The following TBC1D4 variants were observed in gnomAD, a reference collection of about 807,000 sequenced individuals.
TBC1D4 encodes the protein TBC (Tre-2, BUB2, CDC16) domain-containing protein.
Under a neutral mutation model 142.5 loss-of-function variants are expected in TBC1D4, and 121 were observed. The observed-to-expected ratio is 0.85, with a 90% CI of 0.73 to 0.99. TBC1D4 has a LOEUF of 0.99. Ranked by LOEUF, TBC1D4 falls within the 50% of genes least tolerant of loss-of-function variation. The probability of loss-of-function intolerance (pLI) is 0.00; values close to 1 mark genes in which losing one functional copy is unlikely to be tolerated. For missense variants in TBC1D4, 1,475 were observed against 1,606.6 expected (o/e 0.92, Z 1.40); for synonymous variants, 630 against 628.2 (o/e 1.00, Z -0.04).
intron 5 of TBC1D4, among the ~76,000 whole-genome samples, chr13:75,347,414 A>G (rs891038051): frequency 2.6e-5 from 4 of 152,204 alleles, no homozygotes; most frequent in Non-Finnish European, 5.9e-5. Context: ...CTTGTTTGTT[A>G]CTGATCATAT....
chr13:75,350,120 ATGTAAAG>A (rs1881479063), intron 4 of TBC1D4, among the ~76,000 whole-genome samples: 2 of 152,200 alleles, frequency 1.3e-5, no homozygotes, highest in African/African-American at 2.4e-5. Flanking sequence ...ACAATCACAA[ATGTAAAG>A]TGTAATTTTC....
At chr13:75,458,033 G>A (rs962561404) in intron 1 of TBC1D4, among the ~76,000 whole-genome samples, 5 of 152,144 alleles carry the variant, frequency 3.3e-5, no homozygotes, top group Non-Finnish European at 1.5e-5. Flanking sequence ...TGCCGTTCAT[G>A]GATGGCTAAG....
At chr13:75,316,799 T>G (rs1004397929) in intron 12 of TBC1D4, among the ~76,000 whole-genome samples, 11 of 152,306 alleles carry the variant, frequency 7.2e-5, no homozygotes, top group Admixed American at 6.5e-4. Flanking sequence ...TCTTTTGGTT[T>G]GTTTGTTTGT....
chr13:75,383,205 C>T (rs551960035), intron 1 of TBC1D4, among the ~76,000 whole-genome samples: 1 of 152,272 alleles, frequency 6.6e-6, no homozygotes, highest in East Asian at 1.9e-4. Flanking sequence ...CACTTGTAGT[C>T]CCAGCTACTC....
At chr13:75,301,253 A>G (rs951000029) in intron 16 of TBC1D4, among the ~76,000 whole-genome samples, 3 of 152,132 alleles carry the variant, frequency 2.0e-5, no homozygotes, top group Non-Finnish European at 4.4e-5. Flanking sequence ...AGATATTTTT[A>G]AATAATAAAG....
chr13:75,291,759 C>G lies in TBC1D4; in HGVS notation c.3486+343G>C, dbSNP rs1875334053. On this transcript the variant is annotated intron_variant, in intron 19 of 20. Coordinates refer to ENST00000377636, the MANE Select transcript of TBC1D4 (RefSeq NM_014832.5). ...CAAAGCCTGTACTCCTGCCACGTGT[C>G]CTCTTCGTTTATTTTACAAAATAAT... 1.3e-5 allele frequency among the ~76,000 whole-genome samples: 2 copies of G among 152,170 alleles called. 1 individual carries two copies. Among genetic ancestry groups the G allele is most frequent in the South Asian group, 4.1e-4 (2 of 4,828 alleles).
chr13:75,349,261 C>T lies in TBC1D4; in HGVS notation c.1317G>A (p.Thr439=), dbSNP rs1262636724. The T allele has an allele frequency of 4.3e-6, 7 of 1,613,946 alleles. No individual in the cohort carries two copies. The East Asian group carries it at 8.9e-5, about 21-fold the overall frequency. ...VMLTLKQAFS[T]AAALQSAKTQ... The stretch of plus-strand genomic sequence containing the variant: ...TCTTGGCACTCTGCAGGGCAGCCGC[C>T]GTACTGAAGGCCTGTTTCAGAGTCA... Residue 439 remains threonine (T), a synonymous_variant, in exon 5 of 21, where the codon ACG becomes ACA. Transcript: ENST00000377636.
chr13:75,481,453 A>G lies in TBC1D4; in HGVS notation c.315T>C (p.Thr105=), dbSNP rs761535346. 6.2e-7 allele frequency: 1 copy of G among 1,613,674 alleles called. No homozygotes were observed. ...GGTTGGGCTGCGTGGCCGACGGACT[A>G]GTGCCCCCCGAGGCCCCAGCGCCCG... ...PAPGAGASGG[T]SPSATQPNPA... The change falls in exon 1 of 21, where the codon ACT becomes ACC. Residue 105 remains threonine (T), a synonymous_variant. Transcript: ENST00000377636.
chr13:75,457,658 A>C (rs1003716234), intron 1 of TBC1D4, among the ~76,000 whole-genome samples: 2 of 152,212 alleles, frequency 1.3e-5, no homozygotes, highest in Admixed American at 1.3e-4. Context: ...TTCACTTGAC[A>C]CAGGCAATAT....
At chr13:75,368,412 A>G (rs191232446) in intron 1 of TBC1D4, among the ~76,000 whole-genome samples, 125 of 152,366 alleles carry the variant, frequency 8.2e-4, no homozygotes, top group African/African-American at 2.6e-3. Context: ...TCCTCGGGCT[A>G]TGAGCCAAGA....
chr13:75,294,947 C>T lies in TBC1D4; in HGVS notation c.3223G>A (p.Glu1075Lys). The change falls in exon 18 of 21, where the codon GAA becomes AAA. Residue 1075 changes from glutamate (E) to lysine (K), a missense_variant. Coordinates refer to ENST00000377636, the MANE Select transcript of TBC1D4 (RefSeq NM_014832.5). Reference sequence around the variant, plus strand: ...TAAAGACTGGGGCTGATTTCATTTTCTTCAAGGTGATTGTAGAGATCTCTG... The same window carrying T: ...TAAAGACTGGGGCTGATTTCATTTTTTTCAAGGTGATTGTAGAGATCTCTG... ...YHRDLYNHLE[E>K]NEISPSLYAA... 3 of 1,613,926 alleles carry T rather than the reference C, an allele frequency of 1.9e-6. No individual in the cohort carries two copies. The highest frequency in any genetic ancestry group is 2.5e-6 in the Non-Finnish European group (3 of 1,179,886).
chr13:75,445,903 G>T (rs535725650), intron 1 of TBC1D4, among the ~76,000 whole-genome samples: 1 of 152,046 alleles, frequency 6.6e-6, no homozygotes, highest in Non-Finnish European at 1.5e-5. Context: ...AAGTTATTTC[G>T]GATAATTTTA....
intron 1 of TBC1D4, among the ~76,000 whole-genome samples, chr13:75,479,206 G>C (rs1888735891): frequency 6.6e-6 from 1 of 152,168 alleles, no homozygotes; most frequent in Non-Finnish European, 1.5e-5. Context: ...GCTCTCTAGA[G>C]ACGCTACATC....
intron 1 of TBC1D4, among the ~76,000 whole-genome samples, chr13:75,396,299 C>T (rs1443834572): frequency 6.6e-6 from 1 of 152,144 alleles, no homozygotes; most frequent in Non-Finnish European, 1.5e-5. Context: ...ATTGTCTCAG[C>T]AGCTGTTTCA....
intron 11 of TBC1D4, among the ~76,000 whole-genome samples, chr13:75,323,311 AAT>A (rs1878940486): frequency 6.6e-6 from 1 of 152,116 alleles, no homozygotes; most frequent in Non-Finnish European, 1.5e-5. Flanking sequence ...TATGAAATGG[AAT>A]ACTATACAGC....
In TBC1D4 at chr13:75,362,457, C is replaced by A. The variant is rs769811449; in HGVS notation, c.649G>T (p.Ala217Ser). The A allele has an allele frequency of 6.2e-7, 1 of 1,614,204 alleles. No individual in the cohort carries two copies. The highest frequency in any genetic ancestry group is 8.5e-7 in the Non-Finnish European group (1 of 1,180,044). ...CGKVTVTHKK[A>S]PSSLIDDCME... is the part of the protein sequence containing the mutation. ...CAGTCATCGATGAGGCTTGAGGGGG[C>A]CTTCTTGTGGGTCACGGTCACCTTT... is the stretch of plus-strand genomic sequence containing the variant. Residue 217 changes from alanine to serine, a missense_variant, in exon 2 of 21, where the codon GCC becomes TCC. Coordinates refer to ENST00000377636, the MANE Select transcript of TBC1D4 (RefSeq NM_014832.5). The surrounding 1 kb of genome is among the most constrained non-coding windows in gnomAD (Gnocchi z 4.2).
At position 75,309,813 on chromosome 13, in the gene TBC1D4, G is replaced by T. The variant is rs947198584; in HGVS notation, c.2593+129C>A. ...GGAAATCAACAATTATAATCAGTAG[G>T]TATTCTTCTTAAAGTGTGCATACAG... On this transcript the variant is annotated intron_variant, in intron 14 of 20. Coordinates refer to ENST00000377636, the MANE Select transcript of TBC1D4 (RefSeq NM_014832.5). 4.9e-6 allele frequency: 4 copies of T among 822,292 alleles called. No individual in the cohort carries two copies. In the African/African-American group the frequency reaches 6.8e-5, roughly 14 times the overall value. 50.9% of individuals were successfully genotyped at this position (822,292 alleles called of 1,614,324 possible). A position where few individuals can be genotyped will look rare whatever the true frequency, so the allele number is the denominator to read the frequency against.
intron 1 of TBC1D4, among the ~76,000 whole-genome samples, chr13:75,367,647 T>G (rs1012809646): frequency 6.6e-6 from 1 of 152,064 alleles, no homozygotes; most frequent in African/African-American, 2.4e-5. Context: ...AAGAAATATA[T>G]TTGGTTTGGA....
intron 1 of TBC1D4, among the ~76,000 whole-genome samples, chr13:75,442,640 G>A (rs1286018974): frequency 2.0e-5 from 3 of 151,892 alleles, no homozygotes; most frequent in South Asian, 4.2e-4. Context: ...TTAGCTGGGC[G>A]TGGTGGTGCA....
Sources: allele counts gnomAD v4.1 joint callset (sites outside exome capture counted in the v4.1 genomes callset), GRCh38; gene constraint gnomAD v4.1.1; non-coding constraint Gnocchi (gnomAD v3.1); transcripts MANE v1.5; gene names NCBI Gene and HGNC (gene_info 2026-07-23, HGNC 2026-07-21).